Variants in PDE8B observed in about 807,000 individuals in gnomAD.
PDE8B encodes phosphodiesterase 8B.
PDE8B carries 26 observed loss-of-function variants against 101.3 expected under a neutral mutation model. The observed-to-expected ratio is 0.26, with a 90% CI of 0.19 to 0.36. The LOEUF (loss-of-function observed/expected upper bound fraction) is 0.36, where lower values mean the gene tolerates loss of function less well. Among genes scored for constraint, PDE8B ranks in the 10% least tolerant of loss-of-function variants. The pLI, the probability that PDE8B is intolerant of heterozygous loss-of-function variation, is 1.00. For synonymous variants in PDE8B, 424 were observed against 429.3 expected (o/e 0.99, Z 0.15); for missense variants, 810 against 1,163.1 (o/e 0.70, Z 4.42).
chr5:77,371,682 G>T (rs1312609153), intron 10 of PDE8B, among the ~76,000 whole-genome samples: 1 of 152,164 alleles, frequency 6.6e-6, no homozygotes, highest in Non-Finnish European at 1.5e-5. Context: ...GGAGAGAATT[G>T]ATATTTGATG....
intron 10 of PDE8B, among the ~76,000 whole-genome samples, chr5:77,397,026 ATTTTTTTTTTTTTTTT>A (rs71606290): frequency 2.4e-5 from 2 of 84,420 alleles, no homozygotes; most frequent in Non-Finnish European, 4.2e-5. Context: ...CCGATAAGAA[ATTTTTTTTTTTTTTTT>A]TTTTTTTTGA....
the PDE8B span, among the ~76,000 whole-genome samples, chr5:77,201,089 C>T: frequency 1.3e-5 from 2 of 152,166 alleles, no homozygotes; most frequent in Admixed American, 6.5e-5. Flanking sequence ...GCTGCAGCCT[C>T]GAGGCACCTT....
At chr5:77,263,001 TG>T (rs1208076713) in intron 1 of PDE8B, among the ~76,000 whole-genome samples, 1 of 152,242 alleles carries the variant, frequency 6.6e-6, no homozygotes, top group African/African-American at 2.4e-5. Flanking sequence ...AATGCTTTCC[TG>T]GAAACTGATT....
intron 1 of PDE8B, among the ~76,000 whole-genome samples, chr5:77,256,364 TG>T (rs1260773507): frequency 1.3e-5 from 2 of 152,196 alleles, no homozygotes; most frequent in Non-Finnish European, 2.9e-5. Flanking sequence ...GTGGGGGATT[TG>T]AGGGTGTGGT....
intron 1 of PDE8B, among the ~76,000 whole-genome samples, chr5:77,239,317 A>G (rs1034543559): frequency 6.6e-6 from 1 of 152,212 alleles, no homozygotes; most frequent in Middle Eastern, 3.2e-3. Context: ...AATATGTCCC[A>G]TGTGTATGCC....
chr5:77,135,835 C>T, the PDE8B span, among the ~76,000 whole-genome samples: 3 of 151,588 alleles, frequency 2.0e-5, no homozygotes, highest in Non-Finnish European at 2.9e-5. Context: ...TGGTCTTGAA[C>T]TTCTGGCCTG....
chr5:77,339,565 G>T (rs1049614585), intron 6 of PDE8B, among the ~76,000 whole-genome samples: 2 of 152,140 alleles, frequency 1.3e-5, no homozygotes. Context: ...AGGGCACTCA[G>T]GGACATCTAG....
upstream of PDE8B, among the ~76,000 whole-genome samples, chr5:77,207,582 C>CT (rs1747606839): frequency 6.6e-6 from 1 of 151,974 alleles, no homozygotes; most frequent in Admixed American, 6.5e-5. Flanking sequence ...TAACTTAGGC[C>CT]TAATTTTTAT....
chr5:77,210,584 G>A (rs1210856811), upstream of PDE8B: 4 of 970,892 alleles, frequency 4.1e-6, no homozygotes, highest in Admixed American at 6.3e-5. The surrounding 1 kb of genome is among the most constrained non-coding windows in gnomAD (Gnocchi z 4.9). Flanking sequence ...GGCGGCGGGG[G>A]CCGCGCCGAG....
At chr5:77,249,440 G>A (rs1267953949) in intron 1 of PDE8B, among the ~76,000 whole-genome samples, 2 of 152,140 alleles carry the variant, frequency 1.3e-5, no homozygotes, top group African/African-American at 4.8e-5. Context: ...TTTGACTTTT[G>A]GACAAGACTG....
chr5:77,243,807 A>G (rs1756288706), intron 1 of PDE8B, among the ~76,000 whole-genome samples: 1 of 152,118 alleles, frequency 6.6e-6, no homozygotes, highest in South Asian at 2.1e-4. Context: ...TGCTGTGGAC[A>G]TTTGCATACA....
At chr5:77,299,090 AC>A (rs1450190401) in intron 1 of PDE8B, among the ~76,000 whole-genome samples, 2 of 152,154 alleles carry the variant, frequency 1.3e-5, no homozygotes, top group Non-Finnish European at 2.9e-5. Context: ...CTGCACCATC[AC>A]CATTTCTAAA....
At chr5:77,199,583 G>T in the PDE8B span, among the ~76,000 whole-genome samples, 1 of 152,150 alleles carries the variant, frequency 6.6e-6, no homozygotes, top group African/African-American at 2.4e-5. Context: ...CATGAGAAAT[G>T]CAGTACATGT....
chr5:77,118,071 A>G, the PDE8B span, among the ~76,000 whole-genome samples: 1 of 152,008 alleles, frequency 6.6e-6, no homozygotes, highest in Non-Finnish European at 1.5e-5. Context: ...AGTAGCTGGG[A>G]CTACAGGCAT....
At chr5:77,417,518 T>C (rs556372106) in intron 17 of PDE8B, among the ~76,000 whole-genome samples, 10 of 152,224 alleles carry the variant, frequency 6.6e-5, no homozygotes, top group Non-Finnish European at 1.5e-4. Context: ...ACATCTCTTA[T>C]ATAACAGTAG....
chr5:77,283,268 A>G (rs1168604691), intron 1 of PDE8B, among the ~76,000 whole-genome samples: 2 of 152,134 alleles, frequency 1.3e-5, no homozygotes, highest in African/African-American at 4.8e-5. Flanking sequence ...AGCCATATGC[A>G]CAGCCTCTTC....
Position 77,353,389 on chromosome 5 carries a change from A to G in PDE8B, c.1150A>G (p.Thr384Ala). Reference protein sequence around the residue: ...FVSLKKLCCTTDNNKQIHKIH... With the variant: ...FVSLKKLCCTADNNKQIHKIH... The stretch of plus-strand genomic sequence containing the variant: ...CTCGCTCAAGAAACTGTGTTGTACC[A>G]CTGACAATAATAAGCAGGTATGGTA... The change falls in exon 10 of 22, where the codon ACT (threonine) becomes GCT (alanine). Residue 384 changes from threonine (T) to alanine (A), a missense_variant. Thr to Ala is a moderately conservative substitution (Grantham distance 58). Transcript: ENST00000264917. The G allele has an allele frequency of 6.2e-7, 1 of 1,601,224 alleles. No homozygotes were observed. Among genetic ancestry groups the G allele is most frequent in the South Asian group, 1.1e-5 (1 of 90,856 alleles).
chr5:77,340,301 A>G (rs1778973301), intron 6 of PDE8B, among the ~76,000 whole-genome samples: 2 of 152,232 alleles, frequency 1.3e-5, no homozygotes. Flanking sequence ...GTGGAACACC[A>G]CATCTCTCAG....
chr5:77,091,564 C>T, the PDE8B span, among the ~76,000 whole-genome samples: 1 of 152,040 alleles, frequency 6.6e-6, no homozygotes, highest in African/African-American at 2.4e-5. Flanking sequence ...ATTGCTTGAA[C>T]CCGGAGGCGG....
Sources: gnomAD v4.1 joint callset for allele counts (sites outside exome capture counted in the v4.1 genomes callset) on GRCh38, gnomAD v4.1.1 for gene constraint, Gnocchi (gnomAD v3.1) non-coding constraint, MANE v1.5 for transcripts, NCBI Gene and HGNC (gene_info 2026-07-23, HGNC 2026-07-21) for gene names.